Variants in DPY19L3 observed in about 807,000 individuals in gnomAD.
DPY19L3 encodes the protein dpy-19 like C-mannosyltransferase 3.
A neutral mutation model predicts 92.3 loss-of-function variants in DPY19L3; 51 were observed. The observed-to-expected ratio is 0.55, with a 90% CI of 0.44 to 0.70. DPY19L3 has a LOEUF of 0.70. Among genes scored for constraint, DPY19L3 ranks in the 30% least tolerant of loss-of-function variants. The pLI is 0.00. For missense variants in DPY19L3, 706 were observed against 855.9 expected, an observed-to-expected ratio of 0.82 and a Z score of 2.18; for synonymous variants, 309 against 315.2, an observed-to-expected ratio of 0.98 and a Z score of 0.21.
chr19:32,421,637 A>AT (rs1472125648), intron 3 of DPY19L3, among the ~76,000 whole-genome samples: 3 of 125,186 alleles, frequency 2.4e-5, no homozygotes, highest in Non-Finnish European at 5.3e-5. Context: ...CAAAAAAAAA[A>AT]AAAAAAAAAG....
chr19:32,428,690 G>C (rs1163728064), intron 3 of DPY19L3, among the ~76,000 whole-genome samples: 1 of 152,180 alleles, frequency 6.6e-6, no homozygotes. Context: ...CTAGCCTTTT[G>C]GGCATTGCCA....
chr19:32,460,935 G>T (rs12985929), intron 12 of DPY19L3, among the ~76,000 whole-genome samples: 2 of 151,940 alleles, frequency 1.3e-5, no homozygotes, highest in South Asian at 4.1e-4. Flanking sequence ...GTGCAATCTC[G>T]GCTCACTGCA....
chr19:32,477,677 C>G, intron 17 of DPY19L3, 23 bp downstream of exon 17: 4 of 1,613,320 alleles, frequency 2.5e-6, no homozygotes, highest in Non-Finnish European at 3.4e-6. Context: ...AGTGCCTCCC[C>G]TCGCTTCTTG....
intron 8 of DPY19L3, among the ~76,000 whole-genome samples, chr19:32,445,126 A>G (rs1376311958): frequency 6.6e-6 from 1 of 150,982 alleles, no homozygotes; most frequent in Admixed American, 6.6e-5. Context: ...GAAGTGGCCT[A>G]GTATTTTCAG....
chr19:32,441,673 T>C (rs941531660), intron 8 of DPY19L3, among the ~76,000 whole-genome samples: 6 of 152,104 alleles, frequency 3.9e-5, no homozygotes, highest in Non-Finnish European at 8.8e-5. Context: ...AATATTTGTA[T>C]TTTTAGTAGA....
intron 10 of DPY19L3, 108 bp from the exon 11 acceptor site, chr19:32,457,992 A>T: frequency 1.2e-6 from 1 of 806,180 alleles, no homozygotes; most frequent in Non-Finnish European, 2.0e-6. Context: ...TTGTACACCC[A>T]CACGCTCCTG....
At chr19:32,454,045 A>G (rs1170787794) in intron 9 of DPY19L3, among the ~76,000 whole-genome samples, 1 of 152,278 alleles carries the variant, frequency 6.6e-6, no homozygotes, top group Non-Finnish European at 1.5e-5. Flanking sequence ...TTATGGACAA[A>G]GGTTTTTAGT....
intron 17 of DPY19L3, among the ~76,000 whole-genome samples, chr19:32,478,141 C>T (rs1568363752): frequency 6.6e-6 from 1 of 152,134 alleles, no homozygotes; most frequent in South Asian, 2.1e-4. Context: ...GAAATCAGAA[C>T]GTAAGTGCAC....
At chr19:32,414,142 C>T (rs558926453) in intron 3 of DPY19L3, among the ~76,000 whole-genome samples, 20 of 152,092 alleles carry the variant, frequency 1.3e-4, no homozygotes, top group East Asian at 1.2e-3. Context: ...AGAAGAGGGC[C>T]GGGCGCAGTG....
At position 32,441,364 on chromosome 19, in the gene DPY19L3, T is replaced by G. The variant is rs145688305; in HGVS notation, c.855+1454T>G. ...CATATTTTTTTGAAAAAGCGAAACA[T>G]AGAGAAAATGAGTAAAGGTTCTGGA... is the stretch of plus-strand genomic sequence containing the variant. On this transcript the variant is annotated intron_variant, in intron 8 of 18. Coordinates refer to ENST00000392250, the MANE Select transcript of DPY19L3 (RefSeq NM_001172774.2). Among the ~76,000 whole-genome samples, 69 of 152,096 alleles carry G rather than the reference T, an allele frequency of 4.5e-4. 1 individual carries two copies. The highest frequency in any genetic ancestry group is 1.5e-3 in the African/African-American group (64 of 41,526).
chr19:32,478,708 C>T (rs1232050542), intron 17 of DPY19L3, among the ~76,000 whole-genome samples: 1 of 152,198 alleles, frequency 6.6e-6, no homozygotes, highest in Non-Finnish European at 1.5e-5. Context: ...GGAAAACATT[C>T]TATATTCAGT....
At chr19:32,478,925 G>C (rs1970592075) in intron 17 of DPY19L3, among the ~76,000 whole-genome samples, 1 of 152,118 alleles carries the variant, frequency 6.6e-6, no homozygotes, top group Non-Finnish European at 1.5e-5. Flanking sequence ...GGTCAGGGTT[G>C]TTGACATCTG....
At chr19:32,471,009 A>G (rs566808819) in intron 16 of DPY19L3, among the ~76,000 whole-genome samples, 1 of 152,270 alleles carries the variant, frequency 6.6e-6, no homozygotes, top group Admixed American at 6.5e-5. Context: ...GTTTGTTTAA[A>G]TCAACACTCA....
At chr19:32,448,854 T>C (rs907069441) in intron 8 of DPY19L3, among the ~76,000 whole-genome samples, 1 of 152,256 alleles carries the variant, frequency 6.6e-6, no homozygotes, top group Non-Finnish European at 1.5e-5. Context: ...ACACCGCTGA[T>C]AATCCAGGAC....
At chr19:32,417,084 A>G (rs371141422) in intron 3 of DPY19L3, among the ~76,000 whole-genome samples, 1 of 152,236 alleles carries the variant, frequency 6.6e-6, no homozygotes, top group Non-Finnish European at 1.5e-5. Flanking sequence ...AGAAGTTCCA[A>G]GGATTTAGAG....
chr19:32,422,875 C>G (rs1177158139), intron 3 of DPY19L3, among the ~76,000 whole-genome samples: 1 of 152,092 alleles, frequency 6.6e-6, no homozygotes, highest in Admixed American at 6.6e-5. Flanking sequence ...CAAAAGTCAA[C>G]CTAGCATTCA....
chr19:32,449,025 A>AG (rs1467260731), intron 8 of DPY19L3, among the ~76,000 whole-genome samples: 1 of 152,214 alleles, frequency 6.6e-6, no homozygotes, highest in Non-Finnish European at 1.5e-5. Flanking sequence ...ACATCAAAAA[A>AG]CACCCACAAA....
chr19:32,457,979 AT>A (rs11385163), intron 10 of DPY19L3, 120 bp from the exon 11 acceptor site: 1 of 721,974 alleles, frequency 1.4e-6, no homozygotes, highest in Non-Finnish European at 2.3e-6. Flanking sequence ...ACATTTACTG[AT>A]TTTGTACACC....
chr19:32,431,669 C>T (rs1968973423), intron 3 of DPY19L3, among the ~76,000 whole-genome samples: 1 of 151,996 alleles, frequency 6.6e-6, no homozygotes, highest in African/African-American at 2.4e-5. Flanking sequence ...TTATGTATAC[C>T]TTATGCACAT....
Sources: gnomAD v4.1 joint callset for allele counts (sites outside exome capture counted in the v4.1 genomes callset) on GRCh38, gnomAD v4.1.1 for gene constraint, MANE v1.5 for transcripts, NCBI Gene and HGNC (gene_info 2026-07-23, HGNC 2026-07-21) for gene names.